The following RAPGEF6 variants were observed in gnomAD, a reference collection of about 807,000 sequenced individuals.
RAPGEF6 encodes the protein PDZ domain containing guanine nucleotide exchange factor (GEF) 2.
RAPGEF6 carries 56 observed loss-of-function variants against 171.4 expected under a neutral mutation model. The ratio of observed to expected loss-of-function variants is 0.33; its 90% CI spans 0.26 to 0.41. The LOEUF is 0.41. Ranked by LOEUF, RAPGEF6 falls within the 10% of genes least tolerant of loss-of-function variation. RAPGEF6 has a pLI of 1.00. For synonymous variants in RAPGEF6, 692 were observed against 650.1 expected (o/e 1.06, Z -0.98); for missense variants, 1,674 against 1,921.4 (o/e 0.87, Z 2.41).
At chr5:131,472,488 A>G in intron 17 of RAPGEF6, 99 bp downstream of exon 17, 1 of 1,328,600 alleles carries the variant, frequency 7.5e-7, no homozygotes, top group Non-Finnish European at 1.1e-6. Context: ...TAGAGTTAAG[A>G]GGGCTGCAAG....
At chr5:131,590,406 C>T (rs1763519300) in intron 4 of RAPGEF6, among the ~76,000 whole-genome samples, 1 of 152,172 alleles carries the variant, frequency 6.6e-6, no homozygotes, top group East Asian at 1.9e-4. Context: ...TTTAAAAAAT[C>T]ATAATAATAA....
Position 131,573,178 on chromosome 5 carries a change from T to A in RAPGEF6, c.282-11131A>T, listed in dbSNP as rs1312362017. ...CCAGGCTGAATCAGGTCCCAATTCT[T>A]CGGCAGCCTCTGCTCCCCCACTCTA... is the stretch of plus-strand genomic sequence containing the variant. On this transcript the variant is annotated intron_variant, in intron 4 of 27. Coordinates refer to ENST00000509018, the MANE Select transcript of RAPGEF6 (RefSeq NM_016340.6). 3.3e-5 allele frequency among the ~76,000 whole-genome samples: 5 copies of A among 152,144 alleles called. No homozygotes were observed. In the East Asian group the frequency reaches 9.7e-4, roughly 29 times the overall value.
chr5:131,462,004 G>A lies in RAPGEF6; in HGVS notation c.2565C>T (p.Ser855=), dbSNP rs1753966199. ...CCTCAATGGTACTGAGCTGCAGCAT[G>A]GATAGCTGGCTTTCCTTAACTAGTT... ...AQELVKESQL[S]MLQLSTIEVA... The change falls in exon 19 of 28, where the codon TCC becomes TCT. Residue 855 remains serine, a synonymous_variant. Coordinates refer to ENST00000509018, the MANE Select transcript of RAPGEF6 (RefSeq NM_016340.6). The A allele has an allele frequency of 6.2e-7, 1 of 1,613,664 alleles. No individual in the cohort carries two copies. Among genetic ancestry groups the A allele is most frequent in the African/African-American group, 1.3e-5 (1 of 74,900 alleles).
chr5:131,552,651 G>C (rs578164935), intron 5 of RAPGEF6, among the ~76,000 whole-genome samples: 1 of 151,928 alleles, frequency 6.6e-6, no homozygotes, highest in Admixed American at 6.5e-5. Flanking sequence ...AGTAGAGATG[G>C]GGTTTCACCA....
intron 16 of RAPGEF6, among the ~76,000 whole-genome samples, chr5:131,477,856 T>G (rs1755210308): frequency 6.6e-6 from 1 of 152,172 alleles, no homozygotes; most frequent in Admixed American, 6.5e-5. Flanking sequence ...CCCTGAGGAA[T>G]TCTCCTCATG....
At chr5:131,530,860 C>G (rs1759322709) in intron 6 of RAPGEF6, among the ~76,000 whole-genome samples, 1 of 152,112 alleles carries the variant, frequency 6.6e-6, no homozygotes, top group African/African-American at 2.4e-5. Context: ...GTTTTTTTTA[C>G]ACGGTCTCAC....
chr5:131,635,193 G>C lies in RAPGEF6; in HGVS notation c.-163C>G. ...ACAACCCTTCGCAACGCCCGCCTAA[G>C]GCCTCTACCCACGCGCGACTGGCCG... On this transcript the variant is annotated 5_prime_UTR_variant, in exon 1 of 28. Transcript: ENST00000509018. 1.4e-6 allele frequency: 1 copy of C among 695,536 alleles called. No homozygotes were observed. Among genetic ancestry groups the C allele is most frequent in the South Asian group, 2.0e-5 (1 of 50,354 alleles). 43.1% of individuals were successfully genotyped at this position (695,536 alleles called of 1,614,324 possible). A position where few individuals can be genotyped will look rare whatever the true frequency, so the allele number is the denominator to read the frequency against.
At chr5:131,611,510 A>G (rs1018814352) in intron 1 of RAPGEF6, among the ~76,000 whole-genome samples, 2 of 152,136 alleles carry the variant, frequency 1.3e-5, no homozygotes, top group African/African-American at 4.8e-5. Flanking sequence ...CGTCTCTACT[A>G]AAAATACAAA....
chr5:131,463,803 GA>G (rs1333341847), intron 18 of RAPGEF6: 2 of 1,141,158 alleles, frequency 1.8e-6, no homozygotes, highest in Non-Finnish European at 2.2e-6. Context: ...CAGTCATTCA[GA>G]TATATATGAA....
rs574972213 is a variant in RAPGEF6, at chr5:131,430,477, T to A, written c.4465+382A>T. ...CCTAAAATCAATAGCAGATTCAATG[T>A]TTCTACCACGTATGCATACCAATTG... On this transcript the variant is annotated intron_variant, in intron 26 of 27. Transcript: ENST00000509018. 4.3e-4 allele frequency among the ~76,000 whole-genome samples: 65 copies of A among 152,318 alleles called. No individual in the cohort carries two copies. The Middle Eastern group carries it at 0.01, about 24-fold the overall frequency.
At chr5:131,609,123 ACT>A (rs1764790671) in intron 1 of RAPGEF6, among the ~76,000 whole-genome samples, 1 of 151,704 alleles carries the variant, frequency 6.6e-6, no homozygotes, top group Admixed American at 6.6e-5. Context: ...CTCCCCTTTC[ACT>A]TTTTGCCATG....
chr5:131,553,680 T>C (rs1039086334), intron 5 of RAPGEF6, among the ~76,000 whole-genome samples: 3 of 152,098 alleles, frequency 2.0e-5, no homozygotes, highest in African/African-American at 4.8e-5. Context: ...GACATGCTCA[T>C]TGGCAGACTC....
At chr5:131,503,494 G>C (rs1263847045) in intron 11 of RAPGEF6, among the ~76,000 whole-genome samples, 1 of 152,200 alleles carries the variant, frequency 6.6e-6, no homozygotes, top group African/African-American at 2.4e-5. Flanking sequence ...ACACTCATCT[G>C]TTTAGGAAAA....
intron 18 of RAPGEF6, 93 bp from the exon 19 acceptor site, chr5:131,462,181 T>C: frequency 9.5e-7 from 1 of 1,054,966 alleles, no homozygotes; most frequent in Non-Finnish European, 1.3e-6. Context: ...ATCATTTTAC[T>C]GTTAATAACT....
At chr5:131,480,256 T>C (rs1457472523) in intron 15 of RAPGEF6, among the ~76,000 whole-genome samples, 4 of 152,210 alleles carry the variant, frequency 2.6e-5, no homozygotes, top group African/African-American at 9.7e-5. Context: ...AACCTGCGTA[T>C]GGCTCTGAAG....
At chr5:131,580,678 G>A (rs973449539) in intron 4 of RAPGEF6, among the ~76,000 whole-genome samples, 2 of 152,220 alleles carry the variant, frequency 1.3e-5, no homozygotes, top group African/African-American at 2.4e-5. Context: ...TGCAACATCA[G>A]TTCCCATTAC....
At position 131,425,502 on chromosome 5, in the gene RAPGEF6, C is replaced by T. The variant is rs1037653250; in HGVS notation, c.*1764G>A. ...AGGATTTTTGGTTCAGGTTATTTCC[C>T]ATTTCAAAGGACCAAGAAAGCTATG... On this transcript the variant is annotated 3_prime_UTR_variant, in exon 28 of 28. Transcript: ENST00000509018. 30 of 152,268 alleles carry T rather than the reference C, an allele frequency of 2.0e-4. No individual in the cohort carries two copies. The highest frequency in any genetic ancestry group is 7.2e-4 in the African/African-American group (30 of 41,420). The allele number at this position is 152,268 out of a possible 1,614,324, so 9.4% of individuals were successfully genotyped here.
chr5:131,445,486 T>C (rs7730810), intron 22 of RAPGEF6, among the ~76,000 whole-genome samples: 54,170 of 150,566 alleles, frequency 0.36, 11,416 homozygotes, highest in African/African-American at 0.6. Context: ...CAAATTTAAC[T>C]CACTCTCTGT....
intron 1 of RAPGEF6, among the ~76,000 whole-genome samples, chr5:131,628,059 C>T (rs187715106): frequency 2.0e-5 from 3 of 152,226 alleles, no homozygotes; most frequent in Non-Finnish European, 4.4e-5. Context: ...CATAACAATA[C>T]GGAAATTAGG....
Sources: allele counts gnomAD v4.1 joint callset (sites outside exome capture counted in the v4.1 genomes callset), GRCh38; gene constraint gnomAD v4.1.1; transcripts MANE v1.5; gene names NCBI Gene and HGNC (gene_info 2026-07-23, HGNC 2026-07-21).